The following KCNJ14 variants were observed in gnomAD, a reference collection of about 807,000 sequenced individuals.
KCNJ14 encodes ATP-sensitive inward rectifier potassium channel 14.
Under a neutral mutation model 24.5 loss-of-function variants are expected in KCNJ14, and 18 were observed. The observed-to-expected ratio is 0.74, with a 90% CI of 0.51 to 1.09. The LOEUF (loss-of-function observed/expected upper bound fraction) is 1.09, where lower values mean the gene tolerates loss of function less well. Ranked by LOEUF, KCNJ14 falls within the 50% of genes least tolerant of loss-of-function variation. The probability of loss-of-function intolerance (pLI) is 0.00; values close to 1 mark genes in which losing one functional copy is unlikely to be tolerated. For missense variants in KCNJ14, 633 were observed against 623.0 expected, an observed-to-expected ratio of 1.02 and a Z score of -0.17; for synonymous variants, 288 against 270.8, an observed-to-expected ratio of 1.06 and a Z score of -0.63.
chr19:48,462,120 C>T lies in KCNJ14; in HGVS notation c.396C>T (p.Ala132=). 6.3e-7 allele frequency: 1 copy of T among 1,598,812 alleles called. No homozygotes were observed. Among genetic ancestry groups the T allele is most frequent in the Non-Finnish European group, 8.5e-7 (1 of 1,174,054 alleles). The part of the protein sequence containing the change: ...PPPAPCFSHV[A]SFLAAFLFAL... ...CCGCGCCCTGCTTCTCACACGTGGC[C>T]AGCTTCCTGGCCGCCTTCCTCTTCG... is the stretch of plus-strand genomic sequence containing the variant. Residue 132 remains alanine (A), a synonymous_variant, in exon 2 of 3, where the codon GCC becomes GCT. Transcript: ENST00000342291. The surrounding 1 kb of genome is among the most constrained non-coding windows in gnomAD (Gnocchi z 4.9).
chr19:48,464,533 C>T lies in KCNJ14; in HGVS notation c.1067C>T (p.Pro356Leu). 3 of 1,614,144 alleles carry T rather than the reference C, an allele frequency of 1.9e-6. No homozygotes were observed. The highest frequency in any genetic ancestry group is 1.7e-6 in the Non-Finnish European group (2 of 1,180,038). ...YRHFHRTYEV[P>L]GTPVCSAKEL... ...CACTTCCATCGCACTTATGAGGTCC[C>T]AGGGACACCGGTCTGCAGTGCTAAG... The change falls in exon 3 of 3, where the codon CCA (proline) becomes CTA (leucine). Residue 356 changes from proline to leucine, a missense_variant. By Grantham distance (98) the Pro-to-Leu change is moderately conservative (BLOSUM62 -3). Transcript: ENST00000342291.
At chr19:48,461,528 C>CAA (rs34391014) in intron 1 of KCNJ14, 142 bp from the exon 2 acceptor site, 752 of 164,846 alleles carry the variant, frequency 4.6e-3, no homozygotes, top group Middle Eastern at 5.5e-3. Flanking sequence ...ACTCTGTCTC[C>CAA]AAAAAAAAAA....
chr19:48,461,580 A>G, intron 1 of KCNJ14, 90 bp from the exon 2 acceptor site: 1 of 410,332 alleles, frequency 2.4e-6, no homozygotes, highest in South Asian at 7.3e-5. Flanking sequence ...TTGACAGATG[A>G]GGCCACTAAG....
chr19:48,461,271 G>C (rs1156614184), intron 1 of KCNJ14: 1 of 152,382 alleles, frequency 6.6e-6, no homozygotes, highest in African/African-American at 2.4e-5. Context: ...AGTGAGCTGA[G>C]GTTGCGGTGA....
chr19:48,464,041 A>G (rs925404732), intron 2 of KCNJ14, 140 bp from the exon 3 acceptor site: 11 of 662,288 alleles, frequency 1.7e-5, no homozygotes, highest in Admixed American at 5.0e-5. Context: ...TGCCGGCCCC[A>G]TCTCTTGATC....
Position 48,466,236 on chromosome 19 carries a change from T to G in KCNJ14, c.*1459T>G, listed in dbSNP as rs1336294614. ...CTGGGATTACAGGCATGAGCCACTA[T>G]GCCTGGCTAATTTTTGTATTTTTAG... On this transcript the variant is annotated 3_prime_UTR_variant, in exon 3 of 3. Transcript: ENST00000342291. The G allele has an allele frequency of 6.6e-6, 1 of 151,966 alleles. No individual in the cohort carries two copies. Among genetic ancestry groups the G allele is most frequent in the African/African-American group, 2.4e-5 (1 of 41,380 alleles). The allele number at this position is 151,966 out of a possible 1,614,324, so 9.4% of individuals were successfully genotyped here.
Position 48,462,461 on chromosome 19 carries a change from G to C in KCNJ14, c.714+23G>C. ...CAGGTGCGCCCGGGAGGAGAGGCGG[G>C]GACTTCCGTGAGCCCTGGGGGATTG... On this transcript the variant is annotated intron_variant, in intron 2 of 2. Coordinates refer to ENST00000342291, the MANE Select transcript of KCNJ14 (RefSeq NM_013348.4). This position sits in a 1 kb window ranked among gnomAD's most constrained non-coding sequence, Gnocchi z 4.9. 6.9e-7 allele frequency: 1 copy of C among 1,439,762 alleles called. No homozygotes were observed. The highest frequency in any genetic ancestry group is 9.2e-7 in the Non-Finnish European group (1 of 1,088,662). 89.2% of individuals were successfully genotyped at this position (1,439,762 alleles called of 1,614,324 possible). A position where few individuals can be genotyped will look rare whatever the true frequency, so the allele number is the denominator to read the frequency against.
At position 48,462,387 on chromosome 19, in the gene KCNJ14, C is replaced by A; in HGVS notation, c.663C>A (p.Asn221Lys). ...HRLCLMWRVG[N>K]LRRSHLVEAH... The stretch of plus-strand genomic sequence containing the variant: ...TCTGCCTCATGTGGCGCGTCGGCAA[C>A]CTGCGCCGCAGCCACCTGGTCGAGG... Residue 221 changes from asparagine to lysine, a missense_variant, in exon 2 of 3, where the codon AAC becomes AAA. Physicochemically the swap from Asn to Lys is moderately conservative, Grantham distance 94 (BLOSUM62 0). Coordinates refer to ENST00000342291, the MANE Select transcript of KCNJ14 (RefSeq NM_013348.4). The surrounding 1 kb of genome is among the most constrained non-coding windows in gnomAD (Gnocchi z 4.9). 6.6e-7 allele frequency: 1 copy of A among 1,524,322 alleles called. No individual in the cohort carries two copies. Among genetic ancestry groups the A allele is most frequent in the Non-Finnish European group, 8.8e-7 (1 of 1,130,534 alleles). 94.4% of individuals were successfully genotyped at this position (1,524,322 alleles called of 1,614,324 possible).
intron 1 of KCNJ14, among the ~76,000 whole-genome samples, chr19:48,458,928 T>A (rs1226207214): frequency 1.3e-5 from 1 of 77,998 alleles, no homozygotes; most frequent in Non-Finnish European, 2.2e-5. Context: ...TGAGTGAGAC[T>A]CCGTCTCAAA....
rs188584392 is a variant in KCNJ14, at chr19:48,465,769, A to T, written c.*992A>T. ...TTGCCCAATGGAGTTGAGAATCTCAATGATTCTAGATGACTTCTTGTGGTT... is the reference window on the plus strand; with the variant it reads ...TTGCCCAATGGAGTTGAGAATCTCATTGATTCTAGATGACTTCTTGTGGTT... On this transcript the variant is annotated 3_prime_UTR_variant, in exon 3 of 3. Transcript: ENST00000342291. 6.5e-6 allele frequency: 1 copy of T among 152,786 alleles called. No homozygotes were observed. The highest frequency in any genetic ancestry group is 2.4e-5 in the African/African-American group (1 of 41,576). 9.5% of individuals were successfully genotyped at this position (152,786 alleles called of 1,614,324 possible). A position where few individuals can be genotyped will look rare whatever the true frequency, so the allele number is the denominator to read the frequency against.
In KCNJ14 at chr19:48,464,582, G is replaced by A. The variant is rs142079550; in HGVS notation, c.1116G>A (p.Gln372=). 11 of 1,614,170 alleles carry A rather than the reference G, an allele frequency of 6.8e-6. No homozygotes were observed. The highest frequency in any genetic ancestry group is 1.6e-4 in the Middle Eastern group (1 of 6,062). Residue 372 remains glutamine, a synonymous_variant, in exon 3 of 3, where the codon CAG becomes CAA. Transcript: ENST00000342291. ...SAKELDERAE[Q]ASHSLKSSFP... is the part of the protein sequence containing the mutation. ...AGGAGCTGGATGAACGGGCAGAGCA[G>A]GCTTCCCACAGCCTCAAGTCTAGTT...
At chr19:48,459,164 C>G (rs1036630799) in intron 1 of KCNJ14, among the ~76,000 whole-genome samples, 6 of 147,752 alleles carry the variant, frequency 4.1e-5, no homozygotes, top group Non-Finnish European at 1.5e-5. Context: ...GGCGTGAACC[C>G]AGGAGGCGGA....
chr19:48,462,487 TG>T lies in KCNJ14; in HGVS notation c.714+52del. The T allele has an allele frequency of 1.5e-6, 2 of 1,376,150 alleles. No individual in the cohort carries two copies. The highest frequency in any genetic ancestry group is 1.9e-6 in the Non-Finnish European group (2 of 1,040,040). The allele number at this position is 1,376,150 out of a possible 1,614,324, so 85.2% of individuals were successfully genotyped here. A position where few individuals can be genotyped will look rare whatever the true frequency, so the allele number is the denominator to read the frequency against. On this transcript the variant is annotated intron_variant, in intron 2 of 2. Transcript: ENST00000342291. The surrounding 1 kb of genome is among the most constrained non-coding windows in gnomAD (Gnocchi z 4.9). ...GACTTCCGTGAGCCCTGGGGGATTG[TG>T]GGAGATGTAGGCCCGAGGGCGAGGG... is the stretch of plus-strand genomic sequence containing the variant.
chr19:48,461,620 GCTCATC>G (rs1971598149), intron 1 of KCNJ14, 44 bp from the exon 2 acceptor site: 1 of 596,308 alleles, frequency 1.7e-6, no homozygotes, highest in African/African-American at 2.0e-5. Context: ...TGGCCGATGA[GCTCATC>G]CATTCCTGTT....
At position 48,461,682 on chromosome 19, in the gene KCNJ14, G is replaced by T; in HGVS notation, c.-43G>T. 7.9e-7 allele frequency: 1 copy of T among 1,260,508 alleles called. No individual in the cohort carries two copies. The highest frequency in any genetic ancestry group is 1.9e-5 in the South Asian group (1 of 53,648). 78.1% of individuals were successfully genotyped at this position (1,260,508 alleles called of 1,614,324 possible). ...TTTCTTGTCCCAGCAGGTTGGGGGCGCCTGCCCCCCACTAGGCCAAGTGGA... is the reference window on the plus strand; with the variant it reads ...TTTCTTGTCCCAGCAGGTTGGGGGCTCCTGCCCCCCACTAGGCCAAGTGGA... On this transcript the variant is annotated 5_prime_UTR_variant, in exon 2 of 3. Coordinates refer to ENST00000342291, the MANE Select transcript of KCNJ14 (RefSeq NM_013348.4).
chr19:48,461,528 C>CAAAAA (rs34391014), intron 1 of KCNJ14, 142 bp from the exon 2 acceptor site: 4 of 165,594 alleles, frequency 2.4e-5, no homozygotes, highest in African/African-American at 9.6e-5. Context: ...ACTCTGTCTC[C>CAAAAA]AAAAAAAAAA....
At position 48,462,762 on chromosome 19, in the gene KCNJ14, T is replaced by C. The variant is rs952747518; in HGVS notation, c.714+324T>C. On this transcript the variant is annotated intron_variant, in intron 2 of 2. Transcript: ENST00000342291. This position sits in a 1 kb window ranked among gnomAD's most constrained non-coding sequence, Gnocchi z 4.9. ...CTGGGCCGTAATTCCCAGAAGCCTC[T>C]GGGTCAAGGGACCTGTCCAAAGATG... Among the ~76,000 whole-genome samples the C allele has an allele frequency of 2.0e-5, 3 of 152,322 alleles. No homozygotes were observed. The highest frequency in any genetic ancestry group is 4.4e-5 in the Non-Finnish European group (3 of 68,012).
At chr19:48,463,032 T>A (rs143213919) in intron 2 of KCNJ14, among the ~76,000 whole-genome samples, 1 of 152,256 alleles carries the variant, frequency 6.6e-6, no homozygotes, top group East Asian at 1.9e-4. Flanking sequence ...AGTGGCCCAT[T>A]GTGTCCCACC....
Position 48,465,251 on chromosome 19 carries a change from T to C in KCNJ14, c.*474T>C, listed in dbSNP as rs1268056451. The C allele has an allele frequency of 1.2e-5, 2 of 161,252 alleles. No homozygotes were observed. The highest frequency in any genetic ancestry group is 1.7e-4 in the East Asian group (1 of 5,784). 10.0% of individuals were successfully genotyped at this position (161,252 alleles called of 1,614,324 possible). Reference sequence around the variant, plus strand: ...GCCAACTGAGTAGCAAATCATTTGTTCTAGACCACCTAAGGAGGGAAGGTT... The same window carrying C: ...GCCAACTGAGTAGCAAATCATTTGTCCTAGACCACCTAAGGAGGGAAGGTT... On this transcript the variant is annotated 3_prime_UTR_variant, in exon 3 of 3. Transcript: ENST00000342291.
Sources: allele counts gnomAD v4.1 joint callset (sites outside exome capture counted in the v4.1 genomes callset), GRCh38; gene constraint gnomAD v4.1.1; non-coding constraint Gnocchi (gnomAD v3.1); transcripts MANE v1.5; gene names NCBI Gene and HGNC (gene_info 2026-07-23, HGNC 2026-07-21).